PDZRN4: variants seen among roughly 807,000 people sequenced by gnomAD.
The protein encoded by PDZRN4 is PDZ domain containing ring finger 4.
A neutral mutation model predicts 99.0 loss-of-function variants in PDZRN4; 70 were observed. The ratio of observed to expected loss-of-function variants is 0.71; its 90% CI spans 0.58 to 0.86. PDZRN4 has a LOEUF of 0.86. Ranked by LOEUF, PDZRN4 falls within the 40% of genes least tolerant of loss-of-function variation. PDZRN4 has a pLI of 0.00. For synonymous variants in PDZRN4, 551 were observed against 501.6 expected (o/e 1.10, Z -1.32); for missense variants, 1,474 against 1,331.2 (o/e 1.11, Z -1.67).
At chr12:41,242,031 A>T (rs754943328) in intron 3 of PDZRN4, among the ~76,000 whole-genome samples, 2 of 152,204 alleles carry the variant, frequency 1.3e-5, no homozygotes, top group Non-Finnish European at 2.9e-5. Context: ...AGTGTGAGAG[A>T]TCTGCCTGCT....
chr12:41,307,442 A>T (rs1250496096), intron 3 of PDZRN4, among the ~76,000 whole-genome samples: 1 of 152,114 alleles, frequency 6.6e-6, no homozygotes, highest in African/African-American at 2.4e-5. Context: ...TCCCATCACA[A>T]GGGCCCTACC....
At chr12:41,434,297 C>T (rs1019985162) in intron 3 of PDZRN4, among the ~76,000 whole-genome samples, 2 of 152,052 alleles carry the variant, frequency 1.3e-5, no homozygotes, top group African/African-American at 4.8e-5. Context: ...TCTGCATTCG[C>T]TGACATTTGC....
At chr12:41,360,540 C>G (rs990228893) in intron 3 of PDZRN4, among the ~76,000 whole-genome samples, 5 of 151,968 alleles carry the variant, frequency 3.3e-5, no homozygotes, top group Non-Finnish European at 7.4e-5. Context: ...GCAGCTAAGG[C>G]AGAAACCTAC....
At chr12:41,570,223 A>T (rs1021842960) in intron 9 of PDZRN4, among the ~76,000 whole-genome samples, 2 of 152,210 alleles carry the variant, frequency 1.3e-5, no homozygotes, top group Non-Finnish European at 2.9e-5. Flanking sequence ...AGAAGTACAG[A>T]AACCTTTAAA....
intron 3 of PDZRN4, among the ~76,000 whole-genome samples, chr12:41,372,045 A>G (rs188768227): frequency 5.3e-5 from 8 of 152,126 alleles, no homozygotes; most frequent in African/African-American, 1.7e-4. Flanking sequence ...ACAGTGTGGG[A>G]CTTAGTATAA....
chr12:41,219,574 C>A (rs1012497317), intron 3 of PDZRN4, among the ~76,000 whole-genome samples: 2 of 151,910 alleles, frequency 1.3e-5, no homozygotes, highest in Non-Finnish European at 2.9e-5. Context: ...TTAAACAGCA[C>A]AAATACTTGA....
intron 7 of PDZRN4, among the ~76,000 whole-genome samples, chr12:41,560,628 C>T (rs545781090): frequency 6.6e-6 from 1 of 152,268 alleles, no homozygotes; most frequent in South Asian, 2.1e-4. Context: ...CATCTGTCTC[C>T]CTCCCTTATT....
At chr12:41,556,426 C>G (rs1939163725) in intron 7 of PDZRN4, among the ~76,000 whole-genome samples, 1 of 152,222 alleles carries the variant, frequency 6.6e-6, no homozygotes, top group Non-Finnish European at 1.5e-5. Flanking sequence ...GTAGCCTACT[C>G]TTCCTAGGTT....
intron 3 of PDZRN4, among the ~76,000 whole-genome samples, chr12:41,334,715 C>G (rs1004409948): frequency 3.9e-5 from 6 of 152,120 alleles, no homozygotes; most frequent in African/African-American, 1.4e-4. Flanking sequence ...GGATTTAATT[C>G]CTTGGTTAAA....
intron 3 of PDZRN4, among the ~76,000 whole-genome samples, chr12:41,209,744 C>T (rs1219620123): frequency 2.0e-5 from 3 of 148,996 alleles, no homozygotes; most frequent in African/African-American, 2.5e-5. Context: ...TCCAGTCTAT[C>T]GTTGTTGGAC....
chr12:41,528,797 A>G (rs1207612947), intron 5 of PDZRN4, among the ~76,000 whole-genome samples: 2 of 152,328 alleles, frequency 1.3e-5, no homozygotes, highest in South Asian at 2.1e-4. Context: ...TCTTTAACAC[A>G]TAAGTTTTCA....
intron 3 of PDZRN4, among the ~76,000 whole-genome samples, chr12:41,337,649 AGTT>A (rs555079821): frequency 3.3e-5 from 5 of 152,092 alleles, no homozygotes; most frequent in Non-Finnish European, 7.4e-5. Context: ...ACCTGATCTC[AGTT>A]GTTATAATCC....
intron 3 of PDZRN4, among the ~76,000 whole-genome samples, chr12:41,409,301 G>A (rs1206517176): frequency 2.0e-5 from 3 of 151,878 alleles, no homozygotes; most frequent in Non-Finnish European, 2.9e-5. Flanking sequence ...TATAGTTATT[G>A]AGTCTTGACC....
chr12:41,456,231 T>C (rs918194948), intron 3 of PDZRN4, among the ~76,000 whole-genome samples: 2 of 152,208 alleles, frequency 1.3e-5, no homozygotes, highest in African/African-American at 4.8e-5. Context: ...CAGAGAACAC[T>C]GCATCCTGAT....
chr12:41,425,014 C>G (rs1201986106), intron 3 of PDZRN4, among the ~76,000 whole-genome samples: 1 of 152,028 alleles, frequency 6.6e-6, no homozygotes. Flanking sequence ...CACAAAGACT[C>G]TGACACAATT....
chr12:41,561,085 G>C (rs7133757), intron 7 of PDZRN4, among the ~76,000 whole-genome samples: 14,851 of 152,072 alleles, frequency 0.098, 1,830 homozygotes, highest in African/African-American at 0.27. Flanking sequence ...TGGTCATAAT[G>C]AGTTCTCAGG....
intron 5 of PDZRN4, among the ~76,000 whole-genome samples, chr12:41,520,091 C>T (rs1646681276): frequency 6.6e-6 from 1 of 152,076 alleles, no homozygotes; most frequent in African/African-American, 2.4e-5. Flanking sequence ...TCTTCTCTTC[C>T]TCCACACTGT....
At chr12:41,565,436 CA>C (rs1303092277) in intron 8 of PDZRN4, among the ~76,000 whole-genome samples, 94 of 121,818 alleles carry the variant, frequency 7.7e-4, no homozygotes, top group Admixed American at 1.1e-3. Context: ...TATAAAGTGG[CA>C]AAAAAAAAAC....
intron 3 of PDZRN4, among the ~76,000 whole-genome samples, chr12:41,463,203 A>G (rs1336986669): frequency 6.6e-6 from 1 of 152,206 alleles, no homozygotes; most frequent in Non-Finnish European, 1.5e-5. Flanking sequence ...TCTGAAATGT[A>G]CAAATGCCAA....
Sources: gnomAD v4.1 joint callset for allele counts (sites outside exome capture counted in the v4.1 genomes callset) on GRCh38, gnomAD v4.1.1 for gene constraint, MANE v1.5 for transcripts, NCBI Gene and HGNC (gene_info 2026-07-23, HGNC 2026-07-21) for gene names.